DNAH3: variants seen among roughly 807,000 people sequenced by gnomAD.
The protein encoded by DNAH3 is dynein axonemal heavy chain 3.
A neutral mutation model predicts 432.5 loss-of-function variants in DNAH3; 332 were observed. That is an observed-to-expected ratio of 0.77 (90% CI 0.70 to 0.84). The LOEUF (loss-of-function observed/expected upper bound fraction) is 0.84, where lower values mean the gene tolerates loss of function less well. DNAH3 is among the 40% of genes least tolerant of loss of function. The pLI, the probability that DNAH3 is intolerant of heterozygous loss-of-function variation, is 0.00. For synonymous variants in DNAH3, 1,956 were observed against 1,900.2 expected (o/e 1.03, Z -0.76); for missense variants, 4,861 against 5,114.0 (o/e 0.95, Z 1.51).
intron 1 of DNAH3, among the ~76,000 whole-genome samples, chr16:21,148,977 TC>T (rs1160375924): frequency 6.6e-6 from 1 of 152,168 alleles, no homozygotes; most frequent in Admixed American, 6.5e-5. Flanking sequence ...ATGTCTATAA[TC>T]CCAGCACTTT....
chr16:21,134,868 A>G (rs2152823828), intron 6 of DNAH3, among the ~76,000 whole-genome samples: 1 of 151,972 alleles, frequency 6.6e-6, no homozygotes, highest in South Asian at 2.1e-4. Context: ...TTGTATTTTC[A>G]GTAGATACAG....
chr16:21,125,420 G>A (rs556423452), intron 8 of DNAH3, 50 bp from the exon 10 acceptor site: 2 of 1,480,566 alleles, frequency 1.4e-6, no homozygotes, highest in Non-Finnish European at 1.8e-6. Context: ...GGGCTCCGAG[G>A]AACCCACTTG....
intron 20 of DNAH3, 99 bp from the exon 21 acceptor site, chr16:21,075,660 C>A: frequency 1.1e-6 from 1 of 927,332 alleles, no homozygotes; most frequent in Admixed American, 1.9e-5. Flanking sequence ...TGCCTGTAAT[C>A]CCAGCACTTT....
chr16:20,936,538 T>G, intron 60 of DNAH3, 111 bp downstream of exon 60: 1 of 898,780 alleles, frequency 1.1e-6, no homozygotes. Flanking sequence ...CAATCCAGGA[T>G]GTTCTGTGGC....
chr16:20,967,739 C>T (rs993832701), intron 52 of DNAH3, among the ~76,000 whole-genome samples: 1 of 151,736 alleles, frequency 6.6e-6, no homozygotes, highest in African/African-American at 2.4e-5. Context: ...AACTCCTGAC[C>T]TCAGGTGATC....
chr16:20,937,156 C>T (rs534948066), intron 59 of DNAH3, among the ~76,000 whole-genome samples: 1 of 151,990 alleles, frequency 6.6e-6, no homozygotes, highest in East Asian at 1.9e-4. Flanking sequence ...CTAAATTGTC[C>T]TTTTTTTCTT....
At chr16:20,940,744 TTGAA>T (rs2083775043) in intron 59 of DNAH3, among the ~76,000 whole-genome samples, 1 of 152,012 alleles carries the variant, frequency 6.6e-6, no homozygotes, top group Admixed American at 6.6e-5. Context: ...ATTACAGACT[TTGAA>T]TGAGACCCAT....
At chr16:21,134,033 G>C (rs1356388947) in intron 7 of DNAH3, 1 of 448,162 alleles carries the variant, frequency 2.2e-6, no homozygotes, top group East Asian at 3.9e-5. Flanking sequence ...GGATATTCCA[G>C]TGCTTAGAGA....
At position 21,069,712 on chromosome 16, in the gene DNAH3, T is replaced by C; in HGVS notation, c.3202-118A>G. On this transcript the variant is annotated intron_variant, in intron 22 of 61. Transcript: ENST00000261383. ...TTCATTCATTCAGTCTGTCACTTGT[T>C]TAACAAATACTTATTGAGGGCTCCC... 2.2e-6 allele frequency: 2 copies of C among 907,722 alleles called. 1 individual carries two copies. The highest frequency in any genetic ancestry group is 3.3e-6 in the Non-Finnish European group (2 of 602,708). 56.2% of individuals were successfully genotyped at this position (907,722 alleles called of 1,614,324 possible). A position where few individuals can be genotyped will look rare whatever the true frequency, so the allele number is the denominator to read the frequency against.
intron 38 of DNAH3, among the ~76,000 whole-genome samples, chr16:21,026,216 C>T (rs1411828295): frequency 6.6e-6 from 1 of 152,100 alleles, no homozygotes; most frequent in Non-Finnish European, 1.5e-5. Context: ...GAGATAATAT[C>T]AAACTGTTTC....
intron 41 of DNAH3, among the ~76,000 whole-genome samples, chr16:21,012,649 G>A (rs2087659854): frequency 6.6e-6 from 1 of 152,250 alleles, no homozygotes; most frequent in East Asian, 1.9e-4. Flanking sequence ...TCAATTAACA[G>A]GATCAAATTG....
intron 41 of DNAH3, among the ~76,000 whole-genome samples, chr16:21,016,403 C>T (rs537419861): frequency 6.6e-6 from 1 of 152,224 alleles, no homozygotes; most frequent in South Asian, 2.1e-4. Context: ...TTAATTGTGG[C>T]TCTCTTTTTA....
Position 21,054,550 on chromosome 16 carries a change from G to A in DNAH3, c.3925-16C>T, listed in dbSNP as rs760192406. On this transcript the variant is annotated splice_polypyrimidine_tract_variant and intron_variant, in intron 27 of 61. Coordinates refer to ENST00000261383, the Ensembl canonical transcript of DNAH3. The stretch of plus-strand genomic sequence containing the variant: ...TCAGAAAATCCTGGAAGGGGCAGAG[G>A]AGGGGACAACTGGTTACATTTGACT... The A allele has an allele frequency of 7.5e-6, 12 of 1,592,234 alleles. No individual in the cohort carries two copies. Among genetic ancestry groups the A allele is most frequent in the Non-Finnish European group, 9.5e-6 (11 of 1,160,686 alleles).
At chr16:20,963,482 G>C in exon 53 of DNAH3, 1 of 1,614,108 alleles carries the variant, frequency 6.2e-7, no homozygotes, top group Non-Finnish European at 8.5e-7. Context: ...TCCAATCCTT[G>C]AGAGAACTTC....
intron 24 of DNAH3, among the ~76,000 whole-genome samples, chr16:21,065,885 G>A (rs763442813): frequency 2.0e-5 from 3 of 152,120 alleles, no homozygotes; most frequent in Non-Finnish European, 4.4e-5. Flanking sequence ...GGAGTGCAGT[G>A]GTATGATCTC....
At position 20,975,114 on chromosome 16, in the gene DNAH3, A is replaced by G. The variant is rs565447299; in HGVS notation, c.8259+119T>C. On this transcript the variant is annotated intron_variant, in intron 51 of 61. Transcript: ENST00000261383. The stretch of plus-strand genomic sequence containing the variant: ...CCAAAGTGCTGGGATTACAGCTGTG[A>G]GCCACCATGCCCAGCCTTGCCTACC... 23 of 1,215,768 alleles carry G rather than the reference A, an allele frequency of 1.9e-5. No homozygotes were observed. The African/African-American group carries it at 3.0e-4, about 16-fold the overall frequency. The allele number at this position is 1,215,768 out of a possible 1,614,324, so 75.3% of individuals were successfully genotyped here.
At chr16:20,979,647 C>T in intron 49 of DNAH3, 101 bp from the exon 50 acceptor site, 1 of 1,024,482 alleles carries the variant, frequency 9.8e-7, no homozygotes, top group Non-Finnish European at 1.5e-6. Context: ...GGCACATACA[C>T]TGACTGTGAC....
chr16:20,960,726 AAAGGC>A (rs1352410948), intron 53 of DNAH3, among the ~76,000 whole-genome samples: 9 of 152,162 alleles, frequency 5.9e-5, no homozygotes, highest in African/African-American at 2.2e-4. Context: ...CAAACAAACA[AAAGGC>A]GGCCAAGGCC....
chr16:20,952,318 T>C (rs2084352338), intron 56 of DNAH3, 115 bp downstream of exon 56: 4 of 685,528 alleles, frequency 5.8e-6, no homozygotes, highest in Non-Finnish European at 1.1e-5. Flanking sequence ...AAGAGCTCGA[T>C]GTTTATGGTG....
Sources: allele counts gnomAD v4.1 joint callset (sites outside exome capture counted in the v4.1 genomes callset), GRCh38; gene constraint gnomAD v4.1.1; transcripts MANE v1.5; gene names NCBI Gene and HGNC (gene_info 2026-07-23, HGNC 2026-07-21).